The following PID1 variants were observed in gnomAD, a reference collection of about 807,000 sequenced individuals.
PID1 encodes PTB-containing, cubilin and LRP1-interacting protein.
In PID1, 10 loss-of-function variants were observed where a neutral mutation model predicts 19.1. The observed-to-expected ratio is 0.52, with a 90% confidence interval of 0.32 to 0.89. The LOEUF (loss-of-function observed/expected upper bound fraction) is 0.89, where lower values mean the gene tolerates loss of function less well. Ranked by LOEUF, PID1 falls within the 40% of genes least tolerant of loss-of-function variation. The pLI, the probability that PID1 is intolerant of heterozygous loss-of-function variation, is 0.03. For missense variants in PID1, 248 were observed against 285.3 expected (o/e 0.87, Z 0.94); for synonymous variants, 130 against 116.0 (o/e 1.12, Z -0.78).
chr2:229,136,496 T>C (rs59274149), intron 2 of PID1, among the ~76,000 whole-genome samples: 1,826 of 152,308 alleles, frequency 0.012, 37 homozygotes, highest in African/African-American at 0.042. Context: ...ATTTCACTGG[T>C]TACCAGACAA....
chr2:229,208,533 T>G (rs1691658349), intron 1 of PID1, among the ~76,000 whole-genome samples: 1 of 152,236 alleles, frequency 6.6e-6, no homozygotes, highest in Admixed American at 6.5e-5. Flanking sequence ...CACATTTTTA[T>G]GCAGAGATCT....
chr2:229,260,273 G>GA (rs1289752592), intron 1 of PID1, among the ~76,000 whole-genome samples: 1 of 151,210 alleles, frequency 6.6e-6, no homozygotes, highest in African/African-American at 2.4e-5. Context: ...TATTTATAGG[G>GA]AAAAAAAACA....
At chr2:229,259,057 GTT>G (rs35065323) in intron 1 of PID1, among the ~76,000 whole-genome samples, 19 of 136,950 alleles carry the variant, frequency 1.4e-4, no homozygotes, top group African/African-American at 5.2e-4. Flanking sequence ...CAAGGTCGTA[GTT>G]TTTTTTTTTT....
In PID1 at chr2:229,029,257, T is replaced by C. The variant is rs149346424; in HGVS notation, c.178-3149A>G. Among the ~76,000 whole-genome samples the C allele has an allele frequency of 3.4e-3, 445 of 130,914 alleles. 1 individual carries two copies. Among genetic ancestry groups the C allele is most frequent in the African/African-American group, 0.013 (426 of 33,520 alleles). 85.9% of individuals were successfully genotyped at this position (130,914 alleles called of 152,430 possible). On this transcript the variant is annotated intron_variant, in intron 2 of 2. Coordinates refer to ENST00000392055, the MANE Select transcript of PID1 (RefSeq NM_001100818.2). ...AAGCTTTAAAAAAATAAAGTTCCTG[T>C]ATGTCAATCCCTGGGGAAAAAAAAA...
intron 2 of PID1, among the ~76,000 whole-genome samples, chr2:229,125,522 T>C (rs1157130229): frequency 6.6e-6 from 1 of 152,090 alleles, no homozygotes. Context: ...GGTCAGACCA[T>C]GTTGCAGAAT....
At chr2:229,258,570 T>C (rs1690365906) in intron 1 of PID1, among the ~76,000 whole-genome samples, 1 of 152,186 alleles carries the variant, frequency 6.6e-6, no homozygotes, top group South Asian at 2.1e-4. Flanking sequence ...CAGCTCTGTA[T>C]AGATATAGTT....
chr2:229,218,327 A>G (rs1450468759), intron 1 of PID1, among the ~76,000 whole-genome samples: 1 of 151,756 alleles, frequency 6.6e-6, no homozygotes. Context: ...GCATGACAAC[A>G]AAAGAAATAT....
intron 2 of PID1, among the ~76,000 whole-genome samples, chr2:229,111,587 C>A (rs1041111868): frequency 2.0e-5 from 3 of 152,104 alleles, no homozygotes; most frequent in African/African-American, 7.2e-5. Flanking sequence ...CTTTTGACTC[C>A]CTTTATCCCA....
chr2:229,173,320 G>A (rs1207981702), intron 1 of PID1, among the ~76,000 whole-genome samples: 4 of 152,194 alleles, frequency 2.6e-5, no homozygotes, highest in Non-Finnish European at 4.4e-5. Context: ...TAAGCAGTTC[G>A]GGCTACTCCC....
At chr2:229,207,693 C>T (rs1044455221) in intron 1 of PID1, among the ~76,000 whole-genome samples, 1 of 151,592 alleles carries the variant, frequency 6.6e-6, no homozygotes, top group East Asian at 1.9e-4. Flanking sequence ...TGCCTGCCAC[C>T]CTGTAATTCT....
intron 1 of PID1, among the ~76,000 whole-genome samples, chr2:229,225,098 C>G (rs1692050292): frequency 6.6e-6 from 1 of 152,130 alleles, no homozygotes; most frequent in African/African-American, 2.4e-5. Context: ...ATCTCCACAT[C>G]CTTCTCATAC....
intron 1 of PID1, among the ~76,000 whole-genome samples, chr2:229,239,933 T>C (rs967063585): frequency 2.0e-5 from 3 of 152,144 alleles, no homozygotes; most frequent in African/African-American, 4.8e-5. Context: ...GGCACTATTA[T>C]ACTCATAAAA....
chr2:229,041,283 T>C (rs1693765972), intron 2 of PID1, among the ~76,000 whole-genome samples: 1 of 152,156 alleles, frequency 6.6e-6, no homozygotes, highest in Non-Finnish European at 1.5e-5. Context: ...CAAAGAATGA[T>C]ATAAACATGT....
intron 1 of PID1, among the ~76,000 whole-genome samples, chr2:229,244,289 A>C (rs1340503288): frequency 1.3e-5 from 2 of 152,104 alleles, no homozygotes; most frequent in African/African-American, 2.4e-5. Context: ...ATTTTTAAGC[A>C]GTCTGGTTTC....
intron 1 of PID1, among the ~76,000 whole-genome samples, chr2:229,252,534 A>C (rs1323577360): frequency 6.6e-6 from 1 of 152,188 alleles, no homozygotes; most frequent in East Asian, 1.9e-4. Flanking sequence ...GAAAAATGCC[A>C]ATTGTCTGGG....
chr2:229,139,147 A>AGCG (rs1559251963), intron 2 of PID1, among the ~76,000 whole-genome samples: 1 of 127,240 alleles, frequency 7.9e-6, no homozygotes, highest in African/African-American at 3.1e-5. Flanking sequence ...GAAAGAAAGA[A>AGCG]AGCAAGCGAG....
At chr2:229,247,761 G>A (rs540292237) in intron 1 of PID1, among the ~76,000 whole-genome samples, 16 of 152,278 alleles carry the variant, frequency 1.1e-4, no homozygotes, top group African/African-American at 2.9e-4. Flanking sequence ...AACTAGAAGT[G>A]ACATTTATGA....
In PID1 at chr2:229,111,967, T is replaced by C. The variant is rs138358995; in HGVS notation, c.177+43851A>G. ...CTGGCTAAAGCTTCAAAGATGAATA[T>C]CCTGTCTGAATTGCTGTGATTGAGG... On this transcript the variant is annotated intron_variant, in intron 2 of 2. Transcript: ENST00000392055. Among the ~76,000 whole-genome samples the C allele has an allele frequency of 4.6e-5, 7 of 152,356 alleles. No homozygotes were observed. In the East Asian group the frequency reaches 1.3e-3, roughly 29 times the overall value.
At chr2:229,139,115 G>GAGAGAA (rs1689949635) in intron 2 of PID1, among the ~76,000 whole-genome samples, 1 of 48,058 alleles carries the variant, frequency 2.1e-5, no homozygotes, top group East Asian at 7.6e-4. Flanking sequence ...AAGAAAGAAA[G>GAGAGAA]AGAAAGAAAG....
Sources: allele counts gnomAD v4.1 joint callset (sites outside exome capture counted in the v4.1 genomes callset), GRCh38; gene constraint gnomAD v4.1.1; transcripts MANE v1.5; gene names NCBI Gene and HGNC (gene_info 2026-07-23, HGNC 2026-07-21).